The following NKAIN2 variants were observed in gnomAD, a reference collection of about 807,000 sequenced individuals.
NKAIN2 encodes sodium/potassium transporting ATPase interacting 2, also known as sodium/potassium-transporting ATPase subunit beta-1-interacting protein 2.
Under a neutral mutation model 32.6 loss-of-function variants are expected in NKAIN2, and 14 were observed. The observed-to-expected ratio is 0.43, with a 90% CI of 0.28 to 0.67. The LOEUF is 0.67. Among genes scored for constraint, NKAIN2 ranks in the 30% least tolerant of loss-of-function variants. The probability of loss-of-function intolerance (pLI) is 0.17; values close to 1 mark genes in which losing one functional copy is unlikely to be tolerated. For missense variants in NKAIN2, 198 were observed against 258.3 expected (o/e 0.77, Z 1.60); for synonymous variants, 80 against 87.2 (o/e 0.92, Z 0.46).
At chr6:124,749,424 G>T (rs1583788332) in intron 4 of NKAIN2, among the ~76,000 whole-genome samples, 1 of 151,800 alleles carries the variant, frequency 6.6e-6, no homozygotes, top group Non-Finnish European at 1.5e-5. Flanking sequence ...GACGTATTTG[G>T]GGACCTCACC....
intron 4 of NKAIN2, among the ~76,000 whole-genome samples, chr6:124,757,373 G>A (rs1392317961): frequency 6.6e-6 from 1 of 151,876 alleles, no homozygotes; most frequent in East Asian, 1.9e-4. Context: ...CTCATATATT[G>A]ATACATATTA....
chr6:123,862,991 C>A (rs1775845716), intron 1 of NKAIN2, among the ~76,000 whole-genome samples: 1 of 152,126 alleles, frequency 6.6e-6, no homozygotes. Flanking sequence ...TATTGAATAG[C>A]TGCATCTCAA....
intron 1 of NKAIN2, among the ~76,000 whole-genome samples, chr6:124,089,991 T>C (rs1784349314): frequency 6.6e-6 from 1 of 151,920 alleles, no homozygotes; most frequent in African/African-American, 2.4e-5. Flanking sequence ...CCATTATGAA[T>C]AGTTGCATAT....
intron 4 of NKAIN2, among the ~76,000 whole-genome samples, chr6:124,745,502 T>C (rs1323305046): frequency 6.6e-6 from 1 of 151,938 alleles, no homozygotes; most frequent in Non-Finnish European, 1.5e-5. Context: ...TATGAATCTG[T>C]AATAATTTTA....
At chr6:124,801,662 A>T (rs1780261790) in intron 5 of NKAIN2, among the ~76,000 whole-genome samples, 1 of 152,204 alleles carries the variant, frequency 6.6e-6, no homozygotes, top group African/African-American at 2.4e-5. Flanking sequence ...CCAGTGCACA[A>T]TTTACGAGAG....
chr6:124,596,106 C>G (rs1158695886), intron 3 of NKAIN2, among the ~76,000 whole-genome samples: 1 of 152,156 alleles, frequency 6.6e-6, no homozygotes, highest in Non-Finnish European at 1.5e-5. Flanking sequence ...TTCAGGTTGT[C>G]TATAAGAAGG....
At chr6:124,353,571 G>A (rs961468647) in intron 2 of NKAIN2, among the ~76,000 whole-genome samples, 4 of 152,136 alleles carry the variant, frequency 2.6e-5, no homozygotes, top group East Asian at 1.9e-4. Context: ...TGGCTAACAC[G>A]GTGAAACCCC....
intron 3 of NKAIN2, among the ~76,000 whole-genome samples, chr6:124,454,097 T>G (rs1438483226): frequency 4.0e-3 from 68 of 17,110 alleles, no homozygotes; most frequent in African/African-American, 5.5e-3. Context: ...ATATGTTGGG[T>G]TTTTTTTTTG....
At chr6:123,884,075 C>T (rs1773598558) in intron 1 of NKAIN2, among the ~76,000 whole-genome samples, 1 of 151,716 alleles carries the variant, frequency 6.6e-6, no homozygotes, top group Non-Finnish European at 1.5e-5. Flanking sequence ...AAGCCTAGTA[C>T]CCATTAGGTG....
At chr6:124,447,631 G>A (rs1359424301) in intron 3 of NKAIN2, among the ~76,000 whole-genome samples, 1 of 152,134 alleles carries the variant, frequency 6.6e-6, no homozygotes, top group Non-Finnish European at 1.5e-5. Flanking sequence ...GCAGAGAGAT[G>A]ATACAAGAAC....
intron 3 of NKAIN2, among the ~76,000 whole-genome samples, chr6:124,414,179 C>G (rs577979833): frequency 6.6e-6 from 1 of 152,150 alleles, no homozygotes. Context: ...TTGGTAAATG[C>G]TCTTTATTAC....
intron 5 of NKAIN2, among the ~76,000 whole-genome samples, chr6:124,816,985 C>G (rs961239429): frequency 6.6e-6 from 1 of 152,156 alleles, no homozygotes; most frequent in East Asian, 1.9e-4. Flanking sequence ...ATAAAGCAAC[C>G]ATTTATTACG....
At chr6:124,578,724 G>C (rs548580431) in intron 3 of NKAIN2, among the ~76,000 whole-genome samples, 3 of 151,972 alleles carry the variant, frequency 2.0e-5, no homozygotes, top group Admixed American at 6.5e-5. Context: ...TTGAGTGAAC[G>C]TAAGTGGTAG....
At chr6:124,676,792 T>C (rs1773378423) in intron 4 of NKAIN2, among the ~76,000 whole-genome samples, 1 of 152,120 alleles carries the variant, frequency 6.6e-6, no homozygotes, top group Non-Finnish European at 1.5e-5. Flanking sequence ...TAAAGTCTAT[T>C]TTGTATTCTA....
intron 4 of NKAIN2, among the ~76,000 whole-genome samples, chr6:124,756,218 C>A (rs1777957106): frequency 6.6e-6 from 1 of 152,130 alleles, no homozygotes; most frequent in African/African-American, 2.4e-5. Flanking sequence ...TCCAAAGTTT[C>A]TGGATAAAAC....
chr6:124,117,841 CT>C (rs1785689425), intron 1 of NKAIN2, among the ~76,000 whole-genome samples: 2 of 150,558 alleles, frequency 1.3e-5, no homozygotes, highest in Non-Finnish European at 3.0e-5. Context: ...TTTATAAAAT[CT>C]GTCATTATAA....
intron 3 of NKAIN2, among the ~76,000 whole-genome samples, chr6:124,474,654 TG>T (rs1455544938): frequency 2.0e-5 from 3 of 151,692 alleles, no homozygotes; most frequent in Non-Finnish European, 2.9e-5. Context: ...TGTCAAATTT[TG>T]TAGGCATAGA....
chr6:124,079,434 T>G (rs234487), intron 1 of NKAIN2, among the ~76,000 whole-genome samples: 7,886 of 152,256 alleles, frequency 0.052, 287 homozygotes, highest in Non-Finnish European at 0.078. Context: ...TAAAAATATA[T>G]TTTTTTAGAT....
intron 5 of NKAIN2, chr6:124,794,728 G>A (rs1779924771): frequency 1.0e-5 from 2 of 199,360 alleles, no homozygotes; most frequent in Non-Finnish European, 1.8e-5. Flanking sequence ...GTGACTTTCA[G>A]TTAGGTTCAT....
Sources: gnomAD v4.1 joint callset for allele counts (sites outside exome capture counted in the v4.1 genomes callset) on GRCh38, gnomAD v4.1.1 for gene constraint, MANE v1.5 for transcripts, NCBI Gene and HGNC (gene_info 2026-07-23, HGNC 2026-07-21) for gene names.